CCDC138: variants seen among roughly 807,000 people sequenced by gnomAD.
The protein encoded by CCDC138 is coiled-coil domain containing 138.
CCDC138 carries 66 observed loss-of-function variants against 82.3 expected under a neutral mutation model. That is an observed-to-expected ratio of 0.80 (90% CI 0.66 to 0.98). The LOEUF (loss-of-function observed/expected upper bound fraction) is 0.98. Among genes scored for constraint, CCDC138 ranks in the 50% least tolerant of loss-of-function variants. The pLI is 0.00. For synonymous variants in CCDC138, 297 were observed against 265.4 expected (o/e 1.12, Z -1.16); for missense variants, 816 against 758.9 (o/e 1.08, Z -0.88).
chr2:108,877,437 G>T (rs905730193), downstream of CCDC138, among the ~76,000 whole-genome samples: 1 of 152,122 alleles, frequency 6.6e-6, no homozygotes, highest in African/African-American at 2.4e-5. Flanking sequence ...TTGCACTCCA[G>T]CCTGGGCAAC....
chr2:108,863,027 A>G (rs1257040893), intron 13 of CCDC138, among the ~76,000 whole-genome samples: 2 of 152,212 alleles, frequency 1.3e-5, no homozygotes, highest in Non-Finnish European at 1.5e-5. Flanking sequence ...CTACACATCT[A>G]GAACTTACTT....
In CCDC138 at chr2:108,855,076, A is replaced by G. The variant is rs557654994; in HGVS notation, c.1517-1718A>G. 1.3e-3 allele frequency among the ~76,000 whole-genome samples: 203 copies of G among 152,318 alleles called. 1 individual carries two copies. The highest frequency in any genetic ancestry group is 4.6e-3 in the African/African-American group (192 of 41,580). ...AATAATATAGCATTTATAAAAAGAA[A>G]CCAACTTTGATATAATTGATAACTA... On this transcript the variant is annotated intron_variant, in intron 12 of 14. Transcript: ENST00000295124.
At position 108,873,635 on chromosome 2, in the gene CCDC138, C is replaced by T. The variant is rs191192199; in HGVS notation, c.1832+46C>T. ...ACATTTTTTATTGAAAAATACCTTA[C>T]TGTGATCATTTAAACCAGGGGTTTT... On this transcript the variant is annotated intron_variant, in intron 14 of 14. Transcript: ENST00000295124. 352 of 1,397,686 alleles carry T rather than the reference C, an allele frequency of 2.5e-4. 1 individual carries two copies. The African/African-American group carries it at 3.6e-3, about 14-fold the overall frequency. 86.6% of individuals were successfully genotyped at this position (1,397,686 alleles called of 1,614,324 possible).
intron 10 of CCDC138, among the ~76,000 whole-genome samples, chr2:108,829,071 A>G (rs1687101617): frequency 6.6e-6 from 1 of 152,218 alleles, no homozygotes; most frequent in Non-Finnish European, 1.5e-5. Context: ...GAAAATCTTC[A>G]TGATATTAGA....
At chr2:108,835,738 A>G (rs1212997010) in intron 10 of CCDC138, among the ~76,000 whole-genome samples, 2 of 152,206 alleles carry the variant, frequency 1.3e-5, no homozygotes, top group African/African-American at 4.8e-5. Flanking sequence ...GCTCTCCAGA[A>G]ATATTTTATC....
chr2:108,789,456 T>C (rs2149394898), intron 3 of CCDC138, among the ~76,000 whole-genome samples: 1 of 152,236 alleles, frequency 6.6e-6, no homozygotes, highest in East Asian at 1.9e-4. Context: ...TAGCCAGGCT[T>C]GGTGGTGTGC....
At chr2:108,868,916 A>ATTC (rs1694834473) in intron 13 of CCDC138, among the ~76,000 whole-genome samples, 1 of 151,672 alleles carries the variant, frequency 6.6e-6, no homozygotes, top group Admixed American at 6.6e-5. Context: ...AAAAAAATGA[A>ATTC]ATTTTTTTCT....
At chr2:108,865,155 TA>T (rs1175076654) in intron 13 of CCDC138, among the ~76,000 whole-genome samples, 5 of 152,206 alleles carry the variant, frequency 3.3e-5, no homozygotes, top group African/African-American at 1.2e-4. Context: ...TATATAGATA[TA>T]TATTATGATC....
intron 13 of CCDC138, among the ~76,000 whole-genome samples, chr2:108,857,482 G>A (rs963303463): frequency 3.9e-5 from 6 of 152,142 alleles, no homozygotes; most frequent in Non-Finnish European, 8.8e-5. Flanking sequence ...AACACAAGTA[G>A]AACTGAGACT....
chr2:108,810,912 G>A (rs1284518316), intron 7 of CCDC138, among the ~76,000 whole-genome samples: 9 of 152,008 alleles, frequency 5.9e-5, no homozygotes, highest in African/African-American at 1.7e-4. Flanking sequence ...TCAGTCTTAC[G>A]TTATATGTGC....
intron 5 of CCDC138, 21 bp downstream of exon 5, chr2:108,794,742 C>T (rs772220134): frequency 4.0e-5 from 60 of 1,514,000 alleles, no homozygotes; most frequent in Non-Finnish European, 5.0e-5. Context: ...AATACTGAAT[C>T]GAGAATTCAG....
chr2:108,830,300 T>A (rs1259926692), intron 10 of CCDC138, among the ~76,000 whole-genome samples: 1 of 152,204 alleles, frequency 6.6e-6, no homozygotes, highest in African/African-American at 2.4e-5. Flanking sequence ...GAGTTTCATT[T>A]TGGCATTTTG....
chr2:108,852,250 G>A (rs1691634911), intron 12 of CCDC138, among the ~76,000 whole-genome samples: 1 of 152,142 alleles, frequency 6.6e-6, no homozygotes, highest in African/African-American at 2.4e-5. Flanking sequence ...AAATTTAACT[G>A]TAAGATACAA....
chr2:108,830,184 T>G (rs1050304932), intron 10 of CCDC138, among the ~76,000 whole-genome samples: 2 of 152,176 alleles, frequency 1.3e-5, no homozygotes, highest in African/African-American at 4.8e-5. Context: ...TGATTCTGCT[T>G]CCGTGCATGC....
At chr2:108,868,115 T>TA (rs1352737733) in intron 13 of CCDC138, among the ~76,000 whole-genome samples, 1 of 152,184 alleles carries the variant, frequency 6.6e-6, no homozygotes, top group African/African-American at 2.4e-5. Flanking sequence ...CATGTACTTT[T>TA]AAAAATGTAT....
intron 10 of CCDC138, among the ~76,000 whole-genome samples, chr2:108,831,553 T>C (rs532487000): frequency 2.1e-3 from 318 of 152,346 alleles, no homozygotes; most frequent in Non-Finnish European, 3.9e-3. Context: ...CAGTGTTTGC[T>C]GTGAAGAAAC....
chr2:108,877,748 CAAAG>C (rs773982562), downstream of CCDC138, among the ~76,000 whole-genome samples: 59 of 152,094 alleles, frequency 3.9e-4, no homozygotes, highest in Non-Finnish European at 7.2e-4. Flanking sequence ...TTCTGGTGGC[CAAAG>C]AAAGAACTGC....
At chr2:108,833,500 A>G (rs781210301) in intron 10 of CCDC138, among the ~76,000 whole-genome samples, 8 of 152,218 alleles carry the variant, frequency 5.3e-5, no homozygotes, top group Admixed American at 2.0e-4. Flanking sequence ...AAAGAAGACA[A>G]TGCCAGATGA....
chr2:108,818,369 G>T (rs1685129796), intron 10 of CCDC138, among the ~76,000 whole-genome samples: 1 of 152,158 alleles, frequency 6.6e-6, no homozygotes. Context: ...AATAACACAA[G>T]AGAATAATAT....
Sources: gnomAD v4.1 joint callset for allele counts (sites outside exome capture counted in the v4.1 genomes callset) on GRCh38, gnomAD v4.1.1 for gene constraint, MANE v1.5 for transcripts, NCBI Gene and HGNC (gene_info 2026-07-23, HGNC 2026-07-21) for gene names.